The following STK4 variants were observed in gnomAD, a reference collection of about 807,000 sequenced individuals.
STK4 encodes the protein serine/threonine-protein kinase 4.
Under a neutral mutation model 64.9 loss-of-function variants are expected in STK4, and 30 were observed. The observed-to-expected ratio is 0.46, with a 90% CI of 0.35 to 0.63. The LOEUF (loss-of-function observed/expected upper bound fraction) is 0.63. Among genes scored for constraint, STK4 ranks in the 20% least tolerant of loss-of-function variants. The pLI is 0.01. For missense variants in STK4, 466 were observed against 598.5 expected (o/e 0.78, Z 2.31); for synonymous variants, 177 against 199.0 (o/e 0.89, Z 0.93).
chr20:45,010,774 A>G (rs749141748), intron 9 of STK4, among the ~76,000 whole-genome samples: 7 of 152,288 alleles, frequency 4.6e-5, no homozygotes, highest in Non-Finnish European at 1.0e-4. Context: ...GCTTGTAGTA[A>G]TGTACTTCTC....
Position 45,075,584 on chromosome 20 carries a change from G to A in STK4, c.*408G>A, listed in dbSNP as rs1980451345. 1 of 153,654 alleles carries A rather than the reference G, an allele frequency of 6.5e-6. No individual in the cohort carries two copies. The highest frequency in any genetic ancestry group is 1.5e-5 in the Non-Finnish European group (1 of 68,826). 9.5% of individuals were successfully genotyped at this position (153,654 alleles called of 1,614,324 possible). The stretch of plus-strand genomic sequence containing the variant: ...AAATTATAAATAGATTCCCCACGCA[G>A]TGTGGTGGCATCTCTGTACAGGTAC... On this transcript the variant is annotated 3_prime_UTR_variant, in exon 11 of 11. Transcript: ENST00000372806.
At chr20:45,034,384 A>C (rs2068493720) in intron 10 of STK4, among the ~76,000 whole-genome samples, 1 of 152,154 alleles carries the variant, frequency 6.6e-6, no homozygotes, top group Non-Finnish European at 1.5e-5. Flanking sequence ...TACTAGAAAC[A>C]GAATATGGCA....
intron 10 of STK4, among the ~76,000 whole-genome samples, chr20:45,054,271 G>A (rs1978316144): frequency 6.6e-6 from 1 of 152,138 alleles, no homozygotes; most frequent in South Asian, 2.1e-4. Context: ...TTCATTAAAA[G>A]TGCAGACTCC....
At position 44,973,978 on chromosome 20, in the gene STK4, G is replaced by A. The variant is rs546412569; in HGVS notation, c.116+1820G>A. ...GTAGCTCTGAGCTGATTGGGTTTGT[G>A]GAATGTCAAAGGAAGACTATAGACA... On this transcript the variant is annotated intron_variant, in intron 2 of 10. Coordinates refer to ENST00000372806, the MANE Select transcript of STK4 (RefSeq NM_006282.5). The A allele has an allele frequency of 2.6e-5, 4 of 152,224 alleles. No individual in the cohort carries two copies. The South Asian group carries it at 8.3e-4, about 32-fold the overall frequency. The allele number at this position is 152,224 out of a possible 1,614,324, so 9.4% of individuals were successfully genotyped here. A position where few individuals can be genotyped will look rare whatever the true frequency, so the allele number is the denominator to read the frequency against.
chr20:45,061,986 T>A (rs1979070263), intron 10 of STK4, among the ~76,000 whole-genome samples: 1 of 151,568 alleles, frequency 6.6e-6, no homozygotes, highest in Admixed American at 6.6e-5. Context: ...TTCAAGCAAT[T>A]CTCCTGCTTC....
chr20:45,026,977 A>T (rs1017966509), intron 10 of STK4, among the ~76,000 whole-genome samples: 1 of 152,194 alleles, frequency 6.6e-6, no homozygotes, highest in Non-Finnish European at 1.5e-5. Context: ...TGTCTTCAAC[A>T]TGTGTATAAG....
At chr20:45,070,103 T>C (rs923744917) in intron 10 of STK4, among the ~76,000 whole-genome samples, 46 of 152,172 alleles carry the variant, frequency 3.0e-4, no homozygotes, top group African/African-American at 1.1e-3. Context: ...GGAAAAAGTA[T>C]GGCCTGTTTG....
At chr20:44,980,911 G>A (rs1437127669) in intron 3 of STK4, among the ~76,000 whole-genome samples, 3 of 151,954 alleles carry the variant, frequency 2.0e-5, no homozygotes, top group Non-Finnish European at 4.4e-5. Context: ...CTCGGGATCC[G>A]CCCACCTCGG....
At chr20:45,052,983 T>C (rs982715369) in intron 10 of STK4, 49 of 884,584 alleles carry the variant, frequency 5.5e-5, no homozygotes, top group Non-Finnish European at 8.5e-5. Flanking sequence ...ACTATTTTTG[T>C]TTCAACTTCT....
At chr20:45,021,313 T>C (rs1180080597) in intron 9 of STK4, among the ~76,000 whole-genome samples, 1 of 152,202 alleles carries the variant, frequency 6.6e-6, no homozygotes, top group East Asian at 1.9e-4. Context: ...TGCAAATCTG[T>C]TTACTGAGAA....
chr20:45,038,786 G>A (rs555547673), intron 10 of STK4, among the ~76,000 whole-genome samples: 1 of 151,430 alleles, frequency 6.6e-6, no homozygotes, highest in South Asian at 2.1e-4. Context: ...AATGTTTAAA[G>A]AATTTATTTA....
At chr20:45,032,713 A>T (rs1199495372) in intron 10 of STK4, among the ~76,000 whole-genome samples, 1 of 152,186 alleles carries the variant, frequency 6.6e-6, no homozygotes, top group African/African-American at 2.4e-5. Context: ...GCTATTGTGA[A>T]TAGTACTGCA....
chr20:45,072,243 C>T (rs1006272748), intron 10 of STK4, among the ~76,000 whole-genome samples: 3 of 152,104 alleles, frequency 2.0e-5, no homozygotes, highest in African/African-American at 7.2e-5. Context: ...TCTAGTCAGC[C>T]CTGTCTTACA....
intron 10 of STK4, among the ~76,000 whole-genome samples, chr20:45,073,707 TGGCCA>T (rs1980278561): frequency 6.6e-6 from 1 of 152,178 alleles, no homozygotes; most frequent in Admixed American, 6.5e-5. Context: ...CAGCCAATAT[TGGCCA>T]GGCTTGGAAT....
At chr20:45,019,365 A>G (rs559169734) in intron 9 of STK4, among the ~76,000 whole-genome samples, 1 of 152,326 alleles carries the variant, frequency 6.6e-6, no homozygotes, top group Admixed American at 6.5e-5. Flanking sequence ...ATGTTATAGC[A>G]TGTATCACTA....
At position 44,997,276 on chromosome 20, in the gene STK4, G is replaced by A. The variant is rs755054432; in HGVS notation, c.801G>A (p.Glu267=). Residue 267 remains glutamate, a synonymous_variant, in exon 7 of 11, where the codon GAG becomes GAA. Transcript: ENST00000372806. ...FVKQCLVKSP[E]QRATATQLLQ... is the part of the protein sequence containing the mutation. ...AACAGTGTCTTGTAAAGAGCCCTGA[G>A]CAGAGGGCCACAGCCACTCAGCTCC... is the stretch of plus-strand genomic sequence containing the variant. 30 of 1,610,998 alleles carry A rather than the reference G, an allele frequency of 1.9e-5. No homozygotes were observed. The highest frequency in any genetic ancestry group is 2.5e-5 in the Non-Finnish European group (29 of 1,178,918).
At chr20:45,072,566 G>A (rs1980160173) in intron 10 of STK4, among the ~76,000 whole-genome samples, 2 of 152,166 alleles carry the variant, frequency 1.3e-5, no homozygotes, top group South Asian at 4.1e-4. Context: ...TTGTTTGTTT[G>A]TTTTCATTAA....
chr20:45,057,261 T>A (rs1978566522), intron 10 of STK4, among the ~76,000 whole-genome samples: 1 of 152,240 alleles, frequency 6.6e-6, no homozygotes. Flanking sequence ...CCCAGTGCTC[T>A]ACTGAGAAAA....
intron 10 of STK4, among the ~76,000 whole-genome samples, chr20:45,040,873 C>T (rs569408521): frequency 6.6e-6 from 1 of 152,058 alleles, no homozygotes; most frequent in African/African-American, 2.4e-5. Flanking sequence ...ATCCTTTCCC[C>T]CATGCCAAAT....
Sources: allele counts gnomAD v4.1 joint callset (sites outside exome capture counted in the v4.1 genomes callset), GRCh38; gene constraint gnomAD v4.1.1; transcripts MANE v1.5; gene names NCBI Gene and HGNC (gene_info 2026-07-23, HGNC 2026-07-21).